The following RFX8 variants were observed in gnomAD, a reference collection of about 807,000 sequenced individuals.
The protein encoded by RFX8 is regulatory factor X8.
RFX8 carries 46 observed loss-of-function variants against 54.6 expected under a neutral mutation model. The observed-to-expected ratio is 0.84, with a 90% CI of 0.67 to 1.08. The LOEUF is 1.08. Among genes scored for constraint, RFX8 ranks in the 50% least tolerant of loss-of-function variants. The probability of loss-of-function intolerance (pLI) is 0.00; values close to 1 mark genes in which losing one functional copy is unlikely to be tolerated. For synonymous variants in RFX8, 192 were observed against 209.5 expected (o/e 0.92, Z 0.72); for missense variants, 536 against 562.3 (o/e 0.95, Z 0.47).
At chr2:101,466,494 C>G (rs1689581637) in intron 2 of RFX8, among the ~76,000 whole-genome samples, 3 of 152,280 alleles carry the variant, frequency 2.0e-5, no homozygotes, top group African/African-American at 7.2e-5. Flanking sequence ...GCCAGCAAAC[C>G]TGGCTCCCTG....
intron 10 of RFX8, 42 bp from the exon 11 acceptor site, chr2:101,402,794 C>T (rs1158365089): frequency 3.4e-6 from 5 of 1,485,194 alleles, no homozygotes; most frequent in Middle Eastern, 1.7e-4. Flanking sequence ...ATTTGATCGA[C>T]AGACAATAAA....
At chr2:101,451,260 T>A (rs1688663480) in intron 2 of RFX8, among the ~76,000 whole-genome samples, 1 of 152,174 alleles carries the variant, frequency 6.6e-6, no homozygotes, top group South Asian at 2.1e-4. Flanking sequence ...CAGCCCCCTT[T>A]CCTAATTTGG....
At chr2:101,411,563 T>C (rs536096811) in intron 8 of RFX8, among the ~76,000 whole-genome samples, 1 of 152,106 alleles carries the variant, frequency 6.6e-6, no homozygotes, top group African/African-American at 2.4e-5. Flanking sequence ...AGAGGAGGTT[T>C]TGGTTAGCCA....
intron 2 of RFX8, among the ~76,000 whole-genome samples, chr2:101,455,761 T>A (rs1031432385): frequency 1.3e-5 from 2 of 152,202 alleles, no homozygotes; most frequent in Non-Finnish European, 2.9e-5. Context: ...AGAAAGTCAT[T>A]GGTAGCTTGA....
intron 2 of RFX8, among the ~76,000 whole-genome samples, chr2:101,440,560 T>G (rs534570436): frequency 6.6e-6 from 1 of 152,320 alleles, no homozygotes; most frequent in African/African-American, 2.4e-5. Flanking sequence ...GAGTGAACTT[T>G]GTATGATCCC....
chr2:101,427,898 T>C (rs1687268844), intron 2 of RFX8, among the ~76,000 whole-genome samples: 1 of 152,172 alleles, frequency 6.6e-6, no homozygotes, highest in African/African-American at 2.4e-5. Context: ...ACTAAACACG[T>C]TTATAAAAGG....
chr2:101,436,303 T>C (rs1687779796), intron 2 of RFX8, among the ~76,000 whole-genome samples: 1 of 152,300 alleles, frequency 6.6e-6, no homozygotes, highest in African/African-American at 2.4e-5. Context: ...TCCTGGTTCA[T>C]GGCCAAATCT....
intron 11 of RFX8, among the ~76,000 whole-genome samples, chr2:101,401,099 G>A (rs1037194296): frequency 3.9e-5 from 6 of 152,260 alleles, no homozygotes; most frequent in Non-Finnish European, 8.8e-5. Context: ...ATGGACACTC[G>A]TGGAGGAGGT....
intron 8 of RFX8, 76 bp from the exon 9 acceptor site, chr2:101,410,789 G>A (rs1686080374): frequency 1.3e-6 from 1 of 751,468 alleles, no homozygotes; most frequent in Admixed American, 2.3e-5. Context: ...TTGTGTACTG[G>A]GTAACCTGGA....
At position 101,400,790 on chromosome 2, in the gene RFX8, T is replaced by TG. The variant is rs375205528; in HGVS notation, c.1245+1645dup. Among the ~76,000 whole-genome samples, 207 of 152,334 alleles carry TG rather than the reference T, an allele frequency of 1.4e-3. 1 individual carries two copies. Among genetic ancestry groups the TG allele is most frequent in the African/African-American group, 4.7e-3 (196 of 41,576 alleles). Reference sequence around the variant, plus strand: ...TGCAGCCCAGCATGAATGCTGGCCCTGCTAGGGCTCTACAGAATGCTCCAG... The same window carrying TG: ...TGCAGCCCAGCATGAATGCTGGCCCTGGCTAGGGCTCTACAGAATGCTCCAG... On this transcript the variant is annotated intron_variant, in intron 11 of 11. Coordinates refer to ENST00000428343, the MANE Select transcript of RFX8 (RefSeq NM_001145664.2).
chr2:101,409,586 G>A (rs919658078), intron 9 of RFX8, among the ~76,000 whole-genome samples: 2 of 151,436 alleles, frequency 1.3e-5, no homozygotes, highest in Non-Finnish European at 2.9e-5. Flanking sequence ...TGCAACCTCC[G>A]CCTGCTGGGT....
Position 101,470,566 on chromosome 2 carries a change from G to C in RFX8, c.-52-3666C>G, listed in dbSNP as rs1038163486. Among the ~76,000 whole-genome samples the C allele has an allele frequency of 1.5e-4, 23 of 152,174 alleles. No homozygotes were observed. In the South Asian group the frequency reaches 4.8e-3, roughly 32 times the overall value. ...AGCTTCGTAATAACACTATTTTCCT[G>C]GTCTTGCCATCAGACAAGGTGGATT... On this transcript the variant is annotated intron_variant, in intron 1 of 11. Transcript: ENST00000428343.
chr2:101,413,294 C>T (rs143403421), intron 7 of RFX8, among the ~76,000 whole-genome samples: 3 of 152,316 alleles, frequency 2.0e-5, no homozygotes, highest in East Asian at 1.9e-4. Flanking sequence ...TAGGAAGATG[C>T]GTTCAGGGCT....
intron 9 of RFX8, among the ~76,000 whole-genome samples, chr2:101,409,995 C>G (rs998842607): frequency 1.3e-5 from 2 of 152,156 alleles, no homozygotes. Context: ...CTGCCCATAT[C>G]GACAACGAAA....
intron 1 of RFX8, among the ~76,000 whole-genome samples, chr2:101,469,097 T>C (rs1330366654): frequency 6.8e-4 from 18 of 26,622 alleles, no homozygotes; most frequent in African/African-American, 2.0e-3. Flanking sequence ...TATATAAGTA[T>C]ATATATATAA....
At chr2:101,417,099 G>A (rs1315547839) in intron 6 of RFX8, among the ~76,000 whole-genome samples, 1 of 152,240 alleles carries the variant, frequency 6.6e-6, no homozygotes, top group African/African-American at 2.4e-5. Flanking sequence ...ACCCTGAGCA[G>A]GCTGGGCCTT....
At position 101,451,689 on chromosome 2, in the gene RFX8, C is replaced by CAA. The variant is rs11441528; in HGVS notation, c.72+15086_72+15087dup. ...GGGCGACAAGGGTGAAACTCCGTCT[C>CAA]AAAAAAAAAAAAAAAAAGAAAAGTA... On this transcript the variant is annotated intron_variant, in intron 2 of 11. Transcript: ENST00000428343. Among the ~76,000 whole-genome samples the CAA allele has an allele frequency of 6.8e-4, 76 of 111,530 alleles. 1 individual carries two copies. Among genetic ancestry groups the CAA allele is most frequent in the South Asian group, 1.2e-3 (4 of 3,294 alleles). 73.2% of individuals were successfully genotyped at this position (111,530 alleles called of 152,430 possible). A position where few individuals can be genotyped will look rare whatever the true frequency, so the allele number is the denominator to read the frequency against.
At chr2:101,436,723 G>A (rs572998651) in intron 2 of RFX8, among the ~76,000 whole-genome samples, 1 of 152,318 alleles carries the variant, frequency 6.6e-6, no homozygotes, top group Admixed American at 6.5e-5. Flanking sequence ...AAAGTCGTGT[G>A]TGAGAACGCA....
chr2:101,421,161 A>T, intron 4 of RFX8: 1 of 705,010 alleles, frequency 1.4e-6, no homozygotes, highest in Non-Finnish European at 1.7e-6. Flanking sequence ...TGCTTAGAAT[A>T]TACTAAAGCA....
Sources: gnomAD v4.1 joint callset for allele counts (sites outside exome capture counted in the v4.1 genomes callset) on GRCh38, gnomAD v4.1.1 for gene constraint, MANE v1.5 for transcripts, NCBI Gene and HGNC (gene_info 2026-07-23, HGNC 2026-07-21) for gene names.